The following ELP2 variants were observed in gnomAD, a reference collection of about 807,000 sequenced individuals.
The protein encoded by ELP2 is elongator acetyltransferase complex subunit 2.
A neutral mutation model predicts 119.2 loss-of-function variants in ELP2; 90 were observed. That is an observed-to-expected ratio of 0.75 (90% confidence interval 0.64 to 0.90). ELP2 has a LOEUF of 0.90. ELP2 is among the 40% of genes least tolerant of loss of function. The pLI, the probability that ELP2 is intolerant of heterozygous loss-of-function variation, is 0.00. For synonymous variants in ELP2, 339 were observed against 331.0 expected (o/e 1.02, Z -0.26); for missense variants, 921 against 967.8 (o/e 0.95, Z 0.64).
intron 14 of ELP2, among the ~76,000 whole-genome samples, chr18:36,159,380 T>C (rs2090663685): frequency 6.6e-6 from 1 of 152,212 alleles, no homozygotes; most frequent in South Asian, 2.1e-4. Flanking sequence ...CCCAAACTGC[T>C]GTTATTACAG....
chr18:36,143,136 C>T (rs1372040247), intron 8 of ELP2, among the ~76,000 whole-genome samples, 170 bp downstream of exon 8: 1 of 151,572 alleles, frequency 6.6e-6, no homozygotes, highest in Non-Finnish European at 1.5e-5. Flanking sequence ...TGCTTCTTCA[C>T]CTCGGCTGGA....
At chr18:36,136,596 G>T in intron 3 of ELP2, 1 of 543,552 alleles carries the variant, frequency 1.8e-6, no homozygotes, top group Non-Finnish European at 3.3e-6. Flanking sequence ...TTACTTTGTT[G>T]CCCAGGCTGG....
intron 11 of ELP2, among the ~76,000 whole-genome samples, chr18:36,151,913 A>G (rs576457200): frequency 4.6e-5 from 7 of 151,130 alleles, no homozygotes; most frequent in African/African-American, 1.5e-4. Context: ...ATGCCCGGCT[A>G]ATTTTTTTTT....
chr18:36,164,909 G>C (rs2090849091), intron 18 of ELP2: 2 of 517,228 alleles, frequency 3.9e-6, no homozygotes, highest in Non-Finnish European at 7.0e-6. Context: ...CATGCATTCA[G>C]ATATCTCAGT....
intron 6 of ELP2, among the ~76,000 whole-genome samples, chr18:36,141,670 T>C (rs182094683): frequency 7.6e-4 from 116 of 152,162 alleles, no homozygotes; most frequent in Non-Finnish European, 2.4e-4. Context: ...TTAAAAATGG[T>C]TGTGAAAGTC....
At chr18:36,130,501 T>C (rs2089571520) in intron 1 of ELP2, among the ~76,000 whole-genome samples, 1 of 152,242 alleles carries the variant, frequency 6.6e-6, no homozygotes, top group Non-Finnish European at 1.5e-5. Context: ...TTTTGTTGTA[T>C]TGAATTTCAA....
At position 36,146,400 on chromosome 18, in the gene ELP2, A is replaced by T; in HGVS notation, c.1125+19A>T. 6.2e-7 allele frequency: 1 copy of T among 1,613,012 alleles called. No individual in the cohort carries two copies. The highest frequency in any genetic ancestry group is 2.2e-5 in the East Asian group (1 of 44,844). On this transcript the variant is annotated intron_variant, in intron 11 of 21. Coordinates refer to ENST00000358232, the MANE Select transcript of ELP2 (RefSeq NM_018255.4). ...TAACCCAGTAAGAAAAGAGTGTTTA[A>T]ATAAAGCATTTCTAATCAAATAGAG... is the stretch of plus-strand genomic sequence containing the variant.
intron 11 of ELP2, 132 bp downstream of exon 11, chr18:36,146,513 T>C: frequency 1.1e-6 from 1 of 945,612 alleles, no homozygotes; most frequent in East Asian, 2.6e-5. Context: ...AACTTTTTTC[T>C]GTAGACATTG....
chr18:36,171,270 C>T (rs566685353), intron 21 of ELP2, 110 bp downstream of exon 21: 12 of 748,496 alleles, frequency 1.6e-5, no homozygotes, highest in East Asian at 1.3e-4. Flanking sequence ...CTGTATTCGT[C>T]GTGTCTACCA....
chr18:36,163,023 A>G (rs1238035555), intron 17 of ELP2, among the ~76,000 whole-genome samples: 1 of 152,100 alleles, frequency 6.6e-6, no homozygotes, highest in Non-Finnish European at 1.5e-5. Context: ...GCTGAATAGT[A>G]TACCTTGTAC....
chr18:36,161,839 A>G lies in ELP2; in HGVS notation c.1761+835A>G, dbSNP rs1464591055. On this transcript the variant is annotated intron_variant, in intron 17 of 21. Coordinates refer to ENST00000358232, the MANE Select transcript of ELP2 (RefSeq NM_018255.4). The stretch of plus-strand genomic sequence containing the variant: ...ACACCCACCCCTACCCCACTTGTTT[A>G]TTCTTTGAAATGGTACTGAGAGGAC... Among the ~76,000 whole-genome samples, 3 of 150,936 alleles carry G rather than the reference A, an allele frequency of 2.0e-5. No individual in the cohort carries two copies. In the Admixed American group the frequency reaches 2.0e-4, roughly 10 times the overall value.
At position 36,177,873 on chromosome 18, in the gene ELP2, CATT is replaced by C; in HGVS notation, c.*3235_*3237del. On this transcript the variant is annotated 3_prime_UTR_variant, in exon 22 of 22. Coordinates refer to ENST00000358232, the MANE Select transcript of ELP2 (RefSeq NM_018255.4). ...GGTCTGGCTCATAGCATTTCACAAA[CATT>C]ATACTTCAGAGTCCCAAAGCCTTTA... 1 of 152,186 alleles carries C rather than the reference CATT, an allele frequency of 6.6e-6. No individual in the cohort carries two copies. Among genetic ancestry groups the C allele is most frequent in the Non-Finnish European group, 1.5e-5 (1 of 68,038 alleles). 9.4% of individuals were successfully genotyped at this position (152,186 alleles called of 1,614,324 possible).
rs1048581503 is a variant in ELP2 at position 36,178,603 on chromosome 18, A to C, written c.*3962A>C. On this transcript the variant is annotated 3_prime_UTR_variant, in exon 22 of 22. Transcript: ENST00000358232. Reference sequence around the variant, plus strand: ...AGGAAACAACATTTAAACATATGACAGTGGGGCTATGGTTATGATTGGTTT... The same window carrying C: ...AGGAAACAACATTTAAACATATGACCGTGGGGCTATGGTTATGATTGGTTT... 1.3e-5 allele frequency: 2 copies of C among 151,978 alleles called. No homozygotes were observed. Among genetic ancestry groups the C allele is most frequent in the African/African-American group, 4.8e-5 (2 of 41,382 alleles). The allele number at this position is 151,978 out of a possible 1,614,324, so 9.4% of individuals were successfully genotyped here.
chr18:36,141,406 T>A, intron 6 of ELP2: 1 of 581,988 alleles, frequency 1.7e-6, no homozygotes, highest in South Asian at 1.9e-5. Context: ...AGGCTCAGAG[T>A]TGTTAGGGGG....
chr18:36,152,483 G>A (rs1322392868), intron 11 of ELP2, among the ~76,000 whole-genome samples: 1 of 152,192 alleles, frequency 6.6e-6, no homozygotes, highest in African/African-American at 2.4e-5. Flanking sequence ...CATTTACTGT[G>A]ATCTGGGTAA....
In ELP2 at chr18:36,142,960, A is replaced by T. The variant is rs771630217; in HGVS notation, c.790A>T (p.Asn264Tyr). Reference protein sequence around the residue: ...RLKENTFTIENESVKIAFAVT... With the variant: ...RLKENTFTIEYESVKIAFAVT... ...GAAAGAAAATACTTTTACCATAGAA[A>T]ATGAAAGTGAGTAATAATGAAAATA... The change falls in exon 8 of 22, where the codon AAT becomes TAT. Residue 264 changes from asparagine (N) to tyrosine (Y), a missense_variant. Coordinates refer to ENST00000358232, the MANE Select transcript of ELP2 (RefSeq NM_018255.4). 1.3e-6 allele frequency: 2 copies of T among 1,585,814 alleles called. No homozygotes were observed. The highest frequency in any genetic ancestry group is 1.7e-6 in the Non-Finnish European group (2 of 1,159,242).
Position 36,136,383 on chromosome 18 carries a change from T to TG in ELP2, c.288+8dup. On this transcript the variant is annotated splice_region_variant and intron_variant, in intron 3 of 21. Transcript: ENST00000358232. Reference sequence around the variant, plus strand: ...GGGAAATAGAGGATAATCAGGTGAGTGGACATGTTTATAATCAAGAAATGA... The same window carrying TG: ...GGGAAATAGAGGATAATCAGGTGAGTGGGACATGTTTATAATCAAGAAATGA... 6.3e-7 allele frequency: 1 copy of TG among 1,596,602 alleles called. No homozygotes were observed.
intron 7 of ELP2, among the ~76,000 whole-genome samples, 193 bp from the exon 8 acceptor site, chr18:36,142,633 G>C (rs1031473662): frequency 9.9e-5 from 15 of 152,082 alleles, no homozygotes; most frequent in African/African-American, 3.6e-4. Flanking sequence ...TTGTAAACAT[G>C]TATTAGCATT....
chr18:36,136,042 C>T (rs563345488), intron 2 of ELP2, among the ~76,000 whole-genome samples: 3 of 151,994 alleles, frequency 2.0e-5, no homozygotes, highest in Admixed American at 1.3e-4. Flanking sequence ...TATAGGAGAA[C>T]GTTTTTGTCC....
Sources: allele counts gnomAD v4.1 joint callset (sites outside exome capture counted in the v4.1 genomes callset), GRCh38; gene constraint gnomAD v4.1.1; transcripts MANE v1.5; gene names NCBI Gene and HGNC (gene_info 2026-07-23, HGNC 2026-07-21).